The following MALRD1 variants were observed in gnomAD, a reference collection of about 807,000 sequenced individuals.
MALRD1 encodes the protein MAM and LDL-receptor class A domain-containing protein 1.
In MALRD1, 247 loss-of-function variants were observed where a neutral mutation model predicts 242.1. That is an observed-to-expected ratio of 1.02 (90% CI 0.92 to 1.13). The LOEUF (loss-of-function observed/expected upper bound fraction) is 1.13. Among genes scored for constraint, MALRD1 ranks in the 50% most tolerant of loss-of-function variants. The probability of loss-of-function intolerance (pLI) is 0.00; values close to 1 mark genes in which losing one functional copy is unlikely to be tolerated. For synonymous variants in MALRD1, 995 were observed against 866.6 expected (o/e 1.15, Z -2.60); for missense variants, 2,989 against 2,533.1 (o/e 1.18, Z -3.86).
intron 33 of MALRD1, among the ~76,000 whole-genome samples, chr10:19,580,483 C>T (rs901226382): frequency 6.6e-6 from 1 of 152,208 alleles, no homozygotes; most frequent in Non-Finnish European, 1.5e-5. Flanking sequence ...CATCGCCCAT[C>T]ATCCACTGCC....
chr10:19,714,661 T>A (rs1202743811), intron 38 of MALRD1, among the ~76,000 whole-genome samples: 4 of 152,148 alleles, frequency 2.6e-5, no homozygotes, highest in African/African-American at 9.7e-5. Context: ...CCCGTATCAA[T>A]GTGACACATC....
At chr10:19,694,953 T>A (rs1833297602) in intron 38 of MALRD1, among the ~76,000 whole-genome samples, 1 of 152,140 alleles carries the variant, frequency 6.6e-6, no homozygotes, top group Non-Finnish European at 1.5e-5. Context: ...ACCATCATTC[T>A]CAGCAAACTA....
intron 28 of MALRD1, among the ~76,000 whole-genome samples, chr10:19,424,106 C>T (rs952693712): frequency 6.6e-6 from 1 of 152,052 alleles, no homozygotes; most frequent in Non-Finnish European, 1.5e-5. Flanking sequence ...GGAAATCTAG[C>T]TCATGTGTGT....
intron 29 of MALRD1, among the ~76,000 whole-genome samples, chr10:19,454,397 A>T (rs982186102): frequency 1.5e-4 from 8 of 54,418 alleles, no homozygotes; most frequent in Non-Finnish European, 3.8e-5. Flanking sequence ...AAGGTAGATT[A>T]TGCATATGAT....
At chr10:19,219,455 A>G (rs890024564) in intron 18 of MALRD1, among the ~76,000 whole-genome samples, 1 of 151,972 alleles carries the variant, frequency 6.6e-6, no homozygotes, top group African/African-American at 2.4e-5. Flanking sequence ...TATTTTTTTG[A>G]AGACAAGTTC....
chr10:19,685,587 G>A (rs928978942), intron 36 of MALRD1, among the ~76,000 whole-genome samples: 2 of 152,266 alleles, frequency 1.3e-5, no homozygotes, highest in East Asian at 3.9e-4. Context: ...TGCAGAGCAG[G>A]CTTGGAACAT....
intron 28 of MALRD1, among the ~76,000 whole-genome samples, chr10:19,444,827 C>G (rs1834877009): frequency 6.6e-6 from 1 of 152,244 alleles, no homozygotes; most frequent in Non-Finnish European, 1.5e-5. Flanking sequence ...GTGGCATTCT[C>G]TGTATCTCCT....
intron 18 of MALRD1, among the ~76,000 whole-genome samples, chr10:19,238,768 GT>G (rs912019591): frequency 5.5e-5 from 8 of 146,742 alleles, no homozygotes; most frequent in African/African-American, 1.5e-4. Context: ...TGTTTTTTTT[GT>G]TTTTTTTTAA....
intron 18 of MALRD1, among the ~76,000 whole-genome samples, chr10:19,246,916 T>C (rs191326572): frequency 6.6e-6 from 1 of 152,246 alleles, no homozygotes; most frequent in East Asian, 1.9e-4. Context: ...CTTAGCTTAA[T>C]ATGAATGTGT....
At chr10:19,712,838 C>A (rs1251119668) in intron 38 of MALRD1, among the ~76,000 whole-genome samples, 2 of 152,088 alleles carry the variant, frequency 1.3e-5, no homozygotes, top group Non-Finnish European at 2.9e-5. Flanking sequence ...AGATAGCCAG[C>A]AAAAGCATGT....
intron 2 of MALRD1, among the ~76,000 whole-genome samples, chr10:19,084,207 G>A (rs947789268): frequency 1.1e-4 from 16 of 152,048 alleles, no homozygotes; most frequent in African/African-American, 3.1e-4. Context: ...GAGTCAAAAC[G>A]TATGATTCAA....
intron 19 of MALRD1, among the ~76,000 whole-genome samples, chr10:19,275,346 A>G (rs907349519): frequency 1.3e-5 from 2 of 152,186 alleles, no homozygotes; most frequent in Non-Finnish European, 2.9e-5. Flanking sequence ...CCTGCCCTGA[A>G]ATGTTCTTCT....
rs1331660729 is a variant in MALRD1 at position 19,469,708 on chromosome 10, TTA to T, written c.5029+19219_5029+19220del. Among the ~76,000 whole-genome samples the T allele has an allele frequency of 9.5e-4, 144 of 152,210 alleles. 6 individuals are homozygous for T. The East Asian group carries it at 0.026, about 28-fold the overall frequency. On this transcript the variant is annotated intron_variant, in intron 29 of 39. Transcript: ENST00000454679. ...TTGTCCTGCAGGTGTTTGAACTGGG[TTA>T]CATGCCAAAAGTAAGTTACATGCCA...
At chr10:19,112,605 T>C (rs554463293) in intron 5 of MALRD1, among the ~76,000 whole-genome samples, 1 of 152,282 alleles carries the variant, frequency 6.6e-6, no homozygotes, top group African/African-American at 2.4e-5. Flanking sequence ...GTTAAAGGCC[T>C]GTACATCTCA....
At chr10:19,523,272 A>G (rs1833958889) in intron 31 of MALRD1, among the ~76,000 whole-genome samples, 1 of 152,188 alleles carries the variant, frequency 6.6e-6, no homozygotes, top group Admixed American at 6.6e-5. Flanking sequence ...TCCTGCCTAC[A>G]GTTCTGCCCA....
intron 36 of MALRD1, among the ~76,000 whole-genome samples, chr10:19,633,304 C>T (rs79748852): frequency 1.3e-5 from 2 of 152,078 alleles, no homozygotes; most frequent in African/African-American, 4.8e-5. Flanking sequence ...GAGTTTCACG[C>T]CCCCTCATTG....
intron 32 of MALRD1, among the ~76,000 whole-genome samples, chr10:19,565,739 A>G (rs968865984): frequency 3.9e-5 from 6 of 152,172 alleles, no homozygotes; most frequent in Admixed American, 3.3e-4. Flanking sequence ...TTCTGATTGA[A>G]TCTTAGCTGC....
intron 38 of MALRD1, among the ~76,000 whole-genome samples, chr10:19,697,655 T>C (rs968704888): frequency 1.3e-5 from 2 of 152,190 alleles, no homozygotes; most frequent in Non-Finnish European, 2.9e-5. Context: ...CAGCCTATCA[T>C]ATGGAAGTTA....
chr10:19,388,888 A>AAAG (rs1173763519), intron 27 of MALRD1, among the ~76,000 whole-genome samples: 4 of 151,282 alleles, frequency 2.6e-5, no homozygotes, highest in East Asian at 1.9e-4. Context: ...ACTGAAAAAA[A>AAAG]AAAAAAAAAA....
Sources: gnomAD v4.1 joint callset for allele counts (sites outside exome capture counted in the v4.1 genomes callset) on GRCh38, gnomAD v4.1.1 for gene constraint, MANE v1.5 for transcripts, NCBI Gene and HGNC (gene_info 2026-07-23, HGNC 2026-07-21) for gene names.